The following WNK1 variants were observed in gnomAD, a reference collection of about 807,000 sequenced individuals.
WNK1 encodes the protein WNK lysine deficient protein kinase 1, also known as serine/threonine-protein kinase WNK1.
In WNK1, 38 loss-of-function variants were observed where a neutral mutation model predicts 222.8. The observed-to-expected ratio is 0.17, with a 90% CI of 0.13 to 0.22. WNK1 has a LOEUF of 0.22. Ranked by LOEUF, WNK1 falls within the 10% of genes least tolerant of loss-of-function variation. WNK1 has a pLI of 1.00. For missense variants in WNK1, 2,348 were observed against 2,918.4 expected, an observed-to-expected ratio of 0.80 and a Z score of 4.50; for synonymous variants, 1,090 against 1,092.9, an observed-to-expected ratio of 1.00 and a Z score of 0.05.
At chr12:845,015 C>T (rs1470588419) in intron 4 of WNK1, among the ~76,000 whole-genome samples, 1 of 148,974 alleles carries the variant, frequency 6.7e-6, no homozygotes. Context: ...CCTGCCTCAG[C>T]CTCCCAAGTA....
At chr12:759,573 C>T (rs995379066) in intron 1 of WNK1, among the ~76,000 whole-genome samples, 1 of 147,866 alleles carries the variant, frequency 6.8e-6, no homozygotes, top group Non-Finnish European at 1.5e-5. Flanking sequence ...TCGTGATCTG[C>T]CCGCCTTGGC....
intron 9 of WNK1, among the ~76,000 whole-genome samples, chr12:872,579 T>C (rs1952248477): frequency 6.6e-6 from 1 of 152,240 alleles, no homozygotes. Context: ...TATTAGTTAA[T>C]AGTAATTATT....
chr12:859,727 A>G (rs906954026), intron 6 of WNK1, among the ~76,000 whole-genome samples: 1 of 144,416 alleles, frequency 6.9e-6, no homozygotes, highest in African/African-American at 2.6e-5. Context: ...TTTTTGATGG[A>G]GAGAGAGACA....
chr12:879,334 G>A (rs1952910254), intron 10 of WNK1, among the ~76,000 whole-genome samples: 1 of 151,698 alleles, frequency 6.6e-6, no homozygotes, highest in South Asian at 2.1e-4. Flanking sequence ...TATGACAAAA[G>A]GTGTAGAACA....
intron 8 of WNK1, among the ~76,000 whole-genome samples, chr12:867,294 A>G (rs1565546016): frequency 6.6e-6 from 1 of 152,202 alleles, no homozygotes; most frequent in Non-Finnish European, 1.5e-5. Flanking sequence ...TAGTCAAATT[A>G]TATATCTTTT....
At chr12:893,823 A>AAATAATAATAATAATAATGATAATAAT (rs1954497586) in intron 22 of WNK1, among the ~76,000 whole-genome samples, 4 of 143,788 alleles carry the variant, frequency 2.8e-5, no homozygotes, top group Non-Finnish European at 4.5e-5. Context: ...ACTCCATCTC[A>AAATAATAATAATAATAATGATAATAAT]AATAATAATA....
chr12:769,281 C>T (rs1336648108), intron 1 of WNK1, among the ~76,000 whole-genome samples: 1 of 152,088 alleles, frequency 6.6e-6, no homozygotes, highest in Non-Finnish European at 1.5e-5. Flanking sequence ...TCACTGCAAC[C>T]TCCGCCTCCT....
At chr12:801,421 CTTTGTGTGTG>C (rs1447087812) in intron 1 of WNK1, among the ~76,000 whole-genome samples, 2 of 119,796 alleles carry the variant, frequency 1.7e-5, no homozygotes, top group Non-Finnish European at 3.4e-5. Flanking sequence ...ACCTTTTTTT[CTTTGTGTGTG>C]TGTGTGTGTG....
chr12:869,346 A>G (rs1399470399), intron 8 of WNK1, among the ~76,000 whole-genome samples: 2 of 152,226 alleles, frequency 1.3e-5, no homozygotes, highest in African/African-American at 4.8e-5. Context: ...CACAAAAACT[A>G]GAATTTTAGT....
rs369251741 is a variant in WNK1, at chr12:894,651, T to G, written c.5583+16T>G. 322 of 1,611,702 alleles carry G rather than the reference T, an allele frequency of 2.0e-4. No individual in the cohort carries two copies. The highest frequency in any genetic ancestry group is 1.7e-4 in the Non-Finnish European group (202 of 1,177,792). Reference sequence around the variant, plus strand: ...ACGATTTCAGGTAAGACAGTCACTTTGTGTTGCCTTGATTCCTTCCTTTGG... The same window carrying G: ...ACGATTTCAGGTAAGACAGTCACTTGGTGTTGCCTTGATTCCTTCCTTTGG... On this transcript the variant is annotated intron_variant, in intron 23 of 27. Transcript: ENST00000315939.
rs1366607979 is a variant in WNK1, at chr12:753,016, G to C, written c.-550G>C. The C allele has an allele frequency of 6.6e-6, 1 of 152,064 alleles. No individual in the cohort carries two copies. Among genetic ancestry groups the C allele is most frequent in the Non-Finnish European group, 1.5e-5 (1 of 68,030 alleles). 9.4% of individuals were successfully genotyped at this position (152,064 alleles called of 1,614,324 possible). A position where few individuals can be genotyped will look rare whatever the true frequency, so the allele number is the denominator to read the frequency against. ...AGGAGGCGGCCGCCCGAGTGACCGG[G>C]AGCCGGGCCGCGGCCTTCCCTCGCC... On this transcript the variant is annotated 5_prime_UTR_variant, in exon 1 of 28. Transcript: ENST00000315939. This position sits in a 1 kb window ranked among gnomAD's most constrained non-coding sequence, Gnocchi z 5.2.
intron 9 of WNK1, among the ~76,000 whole-genome samples, chr12:875,236 C>T (rs562741455): frequency 1.3e-5 from 2 of 152,242 alleles, no homozygotes; most frequent in African/African-American, 4.8e-5. Flanking sequence ...ATATGATTAC[C>T]ATATGCCCAA....
In WNK1 at chr12:881,703, A is replaced by T. The variant is rs1372943445; in HGVS notation, c.3123A>T (p.Gly1041=). 2.5e-6 allele frequency: 4 copies of T among 1,613,850 alleles called. No individual in the cohort carries two copies. Among genetic ancestry groups the T allele is most frequent in the South Asian group, 1.1e-5 (1 of 91,068 alleles). Residue 1041 remains glycine (G), a synonymous_variant, in exon 13 of 28, where the codon GGA becomes GGT. Transcript: ENST00000315939. ...TTTTCGATTCACAGAGTACTCAGGG[A>T]GTCTCTCAGGTTGCTCCTGCAGAGC... ...SQQAVLESTQ[G]VSQVAPAEPV...
rs1052382479 is a variant in WNK1, at chr12:753,507, C to G, written c.-59C>G. On this transcript the variant is annotated 5_prime_UTR_variant, in exon 1 of 28. Transcript: ENST00000315939. This position sits in a 1 kb window ranked among gnomAD's most constrained non-coding sequence, Gnocchi z 5.2. Reference sequence around the variant, plus strand: ...AGACCTCTGCGCGGGCGGCTCGGCCCTTCACGCCCTTTTCGTTCACGAATC... The same window carrying G: ...AGACCTCTGCGCGGGCGGCTCGGCCGTTCACGCCCTTTTCGTTCACGAATC... 1 of 1,607,834 alleles carries G rather than the reference C, an allele frequency of 6.2e-7. No individual in the cohort carries two copies. The highest frequency in any genetic ancestry group is 2.2e-5 in the East Asian group (1 of 44,680).
chr12:909,393 A>T lies in WNK1; in HGVS notation c.*601A>T. 1 of 152,280 alleles carries T rather than the reference A, an allele frequency of 6.6e-6. No individual in the cohort carries two copies. The highest frequency in any genetic ancestry group is 1.5e-5 in the Non-Finnish European group (1 of 68,172). 9.4% of individuals were successfully genotyped at this position (152,280 alleles called of 1,614,324 possible). On this transcript the variant is annotated 3_prime_UTR_variant, in exon 28 of 28. Coordinates refer to ENST00000315939, the MANE Select transcript of WNK1 (RefSeq NM_018979.4). ...AAAAGATATTAGCAGCTTTGACTGC[A>T]GCATTAGCAATTAGGAAAAAAAAAA...
At chr12:887,916 A>G (rs1953826225) in intron 20 of WNK1, among the ~76,000 whole-genome samples, 1 of 94,198 alleles carries the variant, frequency 1.1e-5, no homozygotes, top group African/African-American at 4.3e-5. Context: ...GACCAGCCTC[A>G]TGAACTTGAG....
intron 26 of WNK1, among the ~76,000 whole-genome samples, chr12:905,459 A>G (rs1258360133): frequency 6.6e-6 from 1 of 152,174 alleles, no homozygotes; most frequent in Non-Finnish European, 1.5e-5. Context: ...GGGGCGACAG[A>G]CTAGAGAGGT....
Position 761,146 on chromosome 12 carries a change from A to G in WNK1, c.759+6822A>G, listed in dbSNP as rs995429236. Among the ~76,000 whole-genome samples, 13 of 147,504 alleles carry G rather than the reference A, an allele frequency of 8.8e-5. 1 individual carries two copies. Among genetic ancestry groups the G allele is most frequent in the Admixed American group, 6.8e-4 (10 of 14,802 alleles). ...TTTACATAAGAGGAAAAGCATCAGTAAGCTGTGGTTTTGTGGCCAACTTAA... is the reference window on the plus strand; with the variant it reads ...TTTACATAAGAGGAAAAGCATCAGTGAGCTGTGGTTTTGTGGCCAACTTAA... On this transcript the variant is annotated intron_variant, in intron 1 of 27. Transcript: ENST00000315939.
intron 1 of WNK1, among the ~76,000 whole-genome samples, chr12:779,550 G>A (rs1185697098): frequency 6.6e-6 from 1 of 151,836 alleles, no homozygotes; most frequent in African/African-American, 2.4e-5. Context: ...AATTACAGGT[G>A]CGCGCCGCAC....
Sources: gnomAD v4.1 joint callset for allele counts (sites outside exome capture counted in the v4.1 genomes callset) on GRCh38, gnomAD v4.1.1 for gene constraint, Gnocchi (gnomAD v3.1) non-coding constraint, MANE v1.5 for transcripts, NCBI Gene and HGNC (gene_info 2026-07-23, HGNC 2026-07-21) for gene names.